DNAJC1: variants seen among roughly 807,000 people sequenced by gnomAD.
DNAJC1 encodes dnaJ homolog subfamily C member 1.
In DNAJC1, 58 loss-of-function variants were observed where a neutral mutation model predicts 76.6. That is an observed-to-expected ratio of 0.76 (90% confidence interval 0.61 to 0.94). The LOEUF is 0.94. DNAJC1 is among the 40% of genes least tolerant of loss of function. DNAJC1 has a pLI of 0.00. For synonymous variants in DNAJC1, 258 were observed against 267.9 expected (o/e 0.96, Z 0.36); for missense variants, 689 against 677.3 (o/e 1.02, Z -0.19).
At chr10:21,859,997 TG>T (rs1835896066) in intron 8 of DNAJC1, among the ~76,000 whole-genome samples, 1 of 152,054 alleles carries the variant, frequency 6.6e-6, no homozygotes, top group African/African-American at 2.4e-5. Flanking sequence ...TTGGCCAGGC[TG>T]GTCTCAAACT....
rs556229835 is a variant in DNAJC1, at chr10:21,807,663, T to G, written c.979-1564A>C. Among the ~76,000 whole-genome samples, 33 of 152,264 alleles carry G rather than the reference T, an allele frequency of 2.2e-4. 1 individual carries two copies. The highest frequency in any genetic ancestry group is 1.8e-3 in the Admixed American group (27 of 15,286). ...TTAAGAGTCAGTAAATAATAGCCAA[T>G]AGTAGGGAGGATTTTATCAATCATT... On this transcript the variant is annotated intron_variant, in intron 8 of 11. Coordinates refer to ENST00000376980, the MANE Select transcript of DNAJC1 (RefSeq NM_022365.4).
intron 1 of DNAJC1, among the ~76,000 whole-genome samples, chr10:21,967,661 T>C (rs1455857309): frequency 6.6e-6 from 1 of 152,230 alleles, no homozygotes; most frequent in Non-Finnish European, 1.5e-5. Flanking sequence ...TTAAATATGA[T>C]AGAAAATGAT....
chr10:21,815,278 T>C (rs1240394894), intron 8 of DNAJC1, among the ~76,000 whole-genome samples: 1 of 152,196 alleles, frequency 6.6e-6, no homozygotes, highest in Non-Finnish European at 1.5e-5. Flanking sequence ...CATCCTACCA[T>C]GGTAGTAGAA....
chr10:21,960,577 G>A (rs998008885), intron 1 of DNAJC1, among the ~76,000 whole-genome samples: 2 of 152,050 alleles, frequency 1.3e-5, no homozygotes, highest in Admixed American at 1.3e-4. Flanking sequence ...AGCCAAGCAT[G>A]GTACTTGGAG....
At chr10:21,808,580 G>C (rs1834918396) in intron 8 of DNAJC1, among the ~76,000 whole-genome samples, 1 of 152,098 alleles carries the variant, frequency 6.6e-6, no homozygotes, top group East Asian at 1.9e-4. Flanking sequence ...CCCTCCTACA[G>C]CTGTAAGGCA....
intron 8 of DNAJC1, among the ~76,000 whole-genome samples, chr10:21,871,312 G>A (rs1018334132): frequency 1.3e-5 from 2 of 149,054 alleles, no homozygotes; most frequent in Non-Finnish European, 2.9e-5. Flanking sequence ...CTCACCTGCT[G>A]CTGACATTAA....
At chr10:22,002,341 C>T (rs1437693878) in intron 1 of DNAJC1, among the ~76,000 whole-genome samples, 1 of 152,160 alleles carries the variant, frequency 6.6e-6, no homozygotes, top group Non-Finnish European at 1.5e-5. Flanking sequence ...TTCTCCTTCG[C>T]ACAAGGCTTC....
intron 1 of DNAJC1, among the ~76,000 whole-genome samples, chr10:22,002,782 A>G (rs1838541887): frequency 6.6e-6 from 1 of 152,000 alleles, no homozygotes; most frequent in East Asian, 1.9e-4. Flanking sequence ...TCGGTGGAAG[A>G]TGACAGTTTA....
chr10:21,972,678 A>T (rs963889701), intron 1 of DNAJC1, among the ~76,000 whole-genome samples: 1 of 152,060 alleles, frequency 6.6e-6, no homozygotes, highest in Non-Finnish European at 1.5e-5. Flanking sequence ...AGTATAAAAC[A>T]TTACTTGTTC....
intron 9 of DNAJC1, among the ~76,000 whole-genome samples, chr10:21,789,302 A>T (rs1337246513): frequency 6.6e-6 from 1 of 152,214 alleles, no homozygotes; most frequent in African/African-American, 2.4e-5. Flanking sequence ...CAGAGACTAT[A>T]CCACTGCACC....
chr10:21,760,556 A>G (rs572884708), intron 10 of DNAJC1, among the ~76,000 whole-genome samples: 1 of 152,380 alleles, frequency 6.6e-6, no homozygotes, highest in East Asian at 1.9e-4. Flanking sequence ...ACATTTGGAC[A>G]CGGGGCGTGG....
chr10:21,978,464 G>C lies in DNAJC1; in HGVS notation c.222+24749C>G, dbSNP rs145585053. Among the ~76,000 whole-genome samples, 291 of 152,222 alleles carry C rather than the reference G, an allele frequency of 1.9e-3. 2 individuals carry two copies. The highest frequency in any genetic ancestry group is 0.01 in the Middle Eastern group (3 of 294). Reference sequence around the variant, plus strand: ...CAGGGGTCAGCAATTTCTTAAGCTTGAAGTGCTTTCAGTAAAGCCAGACAA... The same window carrying C: ...CAGGGGTCAGCAATTTCTTAAGCTTCAAGTGCTTTCAGTAAAGCCAGACAA... On this transcript the variant is annotated intron_variant, in intron 1 of 11. Transcript: ENST00000376980.
rs538625505 is a variant in DNAJC1 at position 21,891,451 on chromosome 10, T to C, written c.821-9012A>G. Among the ~76,000 whole-genome samples the C allele has an allele frequency of 1.2e-3, 88 of 76,012 alleles. 1 individual carries two copies. The highest frequency in any genetic ancestry group is 1.8e-3 in the Non-Finnish European group (71 of 38,616). 49.9% of individuals were successfully genotyped at this position (76,012 alleles called of 152,430 possible). A position where few individuals can be genotyped will look rare whatever the true frequency, so the allele number is the denominator to read the frequency against. On this transcript the variant is annotated intron_variant, in intron 7 of 11. Coordinates refer to ENST00000376980, the MANE Select transcript of DNAJC1 (RefSeq NM_022365.4). ...AATCTGAGGATAGAAAAACATAAAG[T>C]GCCCAATCTGAAAAACAAAGTAGAC...
intron 8 of DNAJC1, among the ~76,000 whole-genome samples, chr10:21,821,556 C>A (rs867550806): frequency 1.3e-5 from 2 of 152,002 alleles, no homozygotes; most frequent in South Asian, 2.1e-4. Context: ...GATGGGAAGC[C>A]TACCAGGCCA....
intron 9 of DNAJC1, among the ~76,000 whole-genome samples, chr10:21,803,587 T>TTG (rs1157385006): frequency 1.5e-5 from 2 of 134,568 alleles, no homozygotes; most frequent in Non-Finnish European, 3.1e-5. Context: ...CAGAGTGATT[T>TTG]TCTGTGTGTG....
At chr10:21,997,206 A>T (rs1838430023) in intron 1 of DNAJC1, among the ~76,000 whole-genome samples, 1 of 152,206 alleles carries the variant, frequency 6.6e-6, no homozygotes, top group Admixed American at 6.5e-5. Flanking sequence ...TTCATTTCTA[A>T]AAAGGACTGT....
intron 7 of DNAJC1, among the ~76,000 whole-genome samples, chr10:21,898,887 G>A (rs879639906): frequency 2.0e-5 from 3 of 151,252 alleles, no homozygotes; most frequent in Non-Finnish European, 2.9e-5. Flanking sequence ...AGTCTACAAC[G>A]CTCAGAGAGA....
rs555250157 is a variant in DNAJC1 at position 21,779,649 on chromosome 10, C to T, written c.1099-13340G>A. Among the ~76,000 whole-genome samples, 79 of 152,116 alleles carry T rather than the reference C, an allele frequency of 5.2e-4. 1 individual carries two copies. Among genetic ancestry groups the T allele is most frequent in the Non-Finnish European group, 9.9e-4 (67 of 68,018 alleles). On this transcript the variant is annotated intron_variant, in intron 9 of 11. Transcript: ENST00000376980. ...ATAAAACCACAAAGATGGGGAGAAA[C>T]CAGAGCACAAAAGCTGAGAATTCTA... is the stretch of plus-strand genomic sequence containing the variant.
intron 1 of DNAJC1, among the ~76,000 whole-genome samples, chr10:21,959,839 G>C (rs1251617295): frequency 6.7e-6 from 1 of 148,768 alleles, no homozygotes; most frequent in East Asian, 2.0e-4. Flanking sequence ...ATTTTATACA[G>C]ATCTCCTAAA....
Sources: gnomAD v4.1 joint callset for allele counts (sites outside exome capture counted in the v4.1 genomes callset) on GRCh38, gnomAD v4.1.1 for gene constraint, MANE v1.5 for transcripts, NCBI Gene and HGNC (gene_info 2026-07-23, HGNC 2026-07-21) for gene names.